Variants in SORCS1 observed in about 807,000 individuals in gnomAD.
The protein encoded by SORCS1 is sortilin related VPS10 domain containing receptor 1, also known as VPS10 domain-containing receptor SorCS1.
A neutral mutation model predicts 146.1 loss-of-function variants in SORCS1; 60 were observed. The ratio of observed to expected loss-of-function variants is 0.41; its 90% CI spans 0.33 to 0.51. The LOEUF (loss-of-function observed/expected upper bound fraction) is 0.51, where lower values mean the gene tolerates loss of function less well. SORCS1 is among the 20% of genes least tolerant of loss of function. The probability of loss-of-function intolerance (pLI) is 0.21; values close to 1 mark genes in which losing one functional copy is unlikely to be tolerated. For missense variants in SORCS1, 1,352 were observed against 1,487.6 expected, an observed-to-expected ratio of 0.91 and a Z score of 1.50; for synonymous variants, 637 against 584.0, an observed-to-expected ratio of 1.09 and a Z score of -1.31.
Position 106,956,547 on chromosome 10 carries a change from T to A in SORCS1, c.592A>T (p.Asn198Tyr), listed in dbSNP as rs1954952098. The A allele has an allele frequency of 1.2e-6, 2 of 1,614,206 alleles. No individual in the cohort carries two copies. The highest frequency in any genetic ancestry group is 8.5e-7 in the Non-Finnish European group (1 of 1,180,026). ...ILILTKLYDY[N>Y]LGSITESSLW... ...GAGCTCTCTGTGATGCTCCCCAGGT[T>A]ATAGTCATAGAGCTTTGTCAAAATG... The change falls in exon 2 of 26, where the codon AAC (asparagine) becomes TAC (tyrosine). Residue 198 changes from asparagine (N) to tyrosine (Y), a missense_variant. Physicochemically the swap from Asn to Tyr is moderately radical, Grantham distance 143. Coordinates refer to ENST00000263054, the MANE Select transcript of SORCS1 (RefSeq NM_052918.5).
At chr10:106,728,925 C>T (rs377675191) in intron 6 of SORCS1, among the ~76,000 whole-genome samples, 228 of 152,262 alleles carry the variant, frequency 1.5e-3, no homozygotes, top group African/African-American at 5.1e-3. Context: ...GAGACCTCTT[C>T]CTTTCTCCCT....
intron 2 of SORCS1, among the ~76,000 whole-genome samples, chr10:106,951,212 C>T (rs1410535584): frequency 6.6e-6 from 1 of 152,082 alleles, no homozygotes; most frequent in Non-Finnish European, 1.5e-5. Flanking sequence ...CTTTGTCCCC[C>T]TCTAAAAAGG....
intron 1 of SORCS1, among the ~76,000 whole-genome samples, chr10:106,994,831 T>C (rs979501231): frequency 2.6e-5 from 4 of 151,994 alleles, no homozygotes; most frequent in South Asian, 2.1e-4. Context: ...GGCTTAAGAG[T>C]TGACATTTCC....
At chr10:107,077,152 C>T (rs1962958861) in intron 1 of SORCS1, among the ~76,000 whole-genome samples, 1 of 151,872 alleles carries the variant, frequency 6.6e-6, no homozygotes, top group African/African-American at 2.4e-5. Context: ...TTTATTTTTC[C>T]CCTCTAATGT....
chr10:106,950,770 TG>T (rs1485976593), intron 2 of SORCS1, among the ~76,000 whole-genome samples: 1 of 152,170 alleles, frequency 6.6e-6, no homozygotes, highest in Non-Finnish European at 1.5e-5. Flanking sequence ...GTAACATGTC[TG>T]TAAGTCTATA....
At chr10:106,582,489 T>C (rs949513579) in intron 24 of SORCS1, among the ~76,000 whole-genome samples, 1 of 152,174 alleles carries the variant, frequency 6.6e-6, no homozygotes, top group African/African-American at 2.4e-5. Flanking sequence ...GGTGCCTGAG[T>C]ATAAAGGGAC....
At chr10:106,685,536 A>T (rs1341136262) in intron 10 of SORCS1, among the ~76,000 whole-genome samples, 1 of 152,214 alleles carries the variant, frequency 6.6e-6, no homozygotes, top group African/African-American at 2.4e-5. Flanking sequence ...TGAAGCAATG[A>T]TCTGAAGGCC....
In SORCS1 at chr10:106,810,530, A is replaced by G. The variant is rs567499228; in HGVS notation, c.726+19044T>C. 1.1e-3 allele frequency among the ~76,000 whole-genome samples: 162 copies of G among 152,348 alleles called. No individual in the cohort carries two copies. The Middle Eastern group carries it at 0.014, about 13-fold the overall frequency. ...CTAAGGAATAAAGTTAGAACTCTGG[A>G]ATAATGGAGTGGAACTTTTGAAAAA... On this transcript the variant is annotated intron_variant, in intron 3 of 25. Coordinates refer to ENST00000263054, the MANE Select transcript of SORCS1 (RefSeq NM_052918.5).
At chr10:106,843,517 C>T (rs1436429555) in intron 2 of SORCS1, among the ~76,000 whole-genome samples, 1 of 147,818 alleles carries the variant, frequency 6.8e-6, no homozygotes, top group Admixed American at 7.0e-5. Context: ...CTGCAAGCTC[C>T]GCCCCCCAGG....
intron 1 of SORCS1, among the ~76,000 whole-genome samples, chr10:107,160,865 A>G (rs759896032): frequency 6.6e-6 from 1 of 152,216 alleles, no homozygotes; most frequent in Non-Finnish European, 1.5e-5. Context: ...GCAAATATAT[A>G]TTTTAACACT....
chr10:107,156,115 C>T (rs144462661), intron 1 of SORCS1, among the ~76,000 whole-genome samples: 1 of 152,196 alleles, frequency 6.6e-6, no homozygotes, highest in Non-Finnish European at 1.5e-5. Flanking sequence ...AGGAAGACCC[C>T]CCAAGATATG....
chr10:106,989,129 T>C (rs372697643), intron 1 of SORCS1, among the ~76,000 whole-genome samples: 6 of 148,174 alleles, frequency 4.0e-5, no homozygotes, highest in African/African-American at 1.2e-4. Flanking sequence ...AATTAGCTGG[T>C]CGTGGTGGTG....
At chr10:107,027,606 A>G (rs1171979570) in intron 1 of SORCS1, among the ~76,000 whole-genome samples, 3 of 152,176 alleles carry the variant, frequency 2.0e-5, no homozygotes, top group East Asian at 3.9e-4. Context: ...GAGCAGTCGT[A>G]TGACACCTTT....
intron 2 of SORCS1, among the ~76,000 whole-genome samples, chr10:106,834,007 A>G (rs1048710522): frequency 1.2e-4 from 19 of 152,150 alleles, no homozygotes; most frequent in Admixed American, 1.1e-3. Flanking sequence ...GTTAGCCAGG[A>G]TGGTCTCGAT....
chr10:106,665,999 C>A (rs1298465165), intron 17 of SORCS1, among the ~76,000 whole-genome samples: 1 of 152,110 alleles, frequency 6.6e-6, no homozygotes, highest in Non-Finnish European at 1.5e-5. Flanking sequence ...CACCACCACA[C>A]CTGGCTAATT....
chr10:106,788,870 GT>G (rs1354917623), intron 3 of SORCS1, among the ~76,000 whole-genome samples: 1 of 152,212 alleles, frequency 6.6e-6, no homozygotes, highest in African/African-American at 2.4e-5. Context: ...GGCACTCTGT[GT>G]GGGGGCACTG....
intron 23 of SORCS1, chr10:106,600,242 T>C (rs947259630): frequency 2.5e-6 from 2 of 803,676 alleles, no homozygotes; most frequent in East Asian, 2.5e-4. Context: ...CTTGGTTTTG[T>C]TTTGGTTTAC....
intron 1 of SORCS1, among the ~76,000 whole-genome samples, chr10:107,009,163 T>C (rs901483606): frequency 1.3e-5 from 2 of 152,200 alleles, no homozygotes; most frequent in East Asian, 1.9e-4. Context: ...AAATACATGA[T>C]CAAGTATGGC....
chr10:107,111,812 C>T (rs1452291060), intron 1 of SORCS1, among the ~76,000 whole-genome samples: 2 of 152,048 alleles, frequency 1.3e-5, no homozygotes, highest in Non-Finnish European at 2.9e-5. Flanking sequence ...CAAAGAAAAT[C>T]CTGAAAGCAG....
Sources: allele counts gnomAD v4.1 joint callset (sites outside exome capture counted in the v4.1 genomes callset), GRCh38; gene constraint gnomAD v4.1.1; transcripts MANE v1.5; gene names NCBI Gene and HGNC (gene_info 2026-07-23, HGNC 2026-07-21).